The following ANO4 variants were observed in gnomAD, a reference collection of about 807,000 sequenced individuals.
The protein encoded by ANO4 is anoctamin-4.
In ANO4, 69 loss-of-function variants were observed where a neutral mutation model predicts 141.9. The observed-to-expected ratio is 0.49, with a 90% CI of 0.40 to 0.59. The LOEUF is 0.59. Among genes scored for constraint, ANO4 ranks in the 20% least tolerant of loss-of-function variants. ANO4 has a pLI of 0.00. For synonymous variants in ANO4, 350 were observed against 394.3 expected, an observed-to-expected ratio of 0.89 and a Z score of 1.33; for missense variants, 894 against 1,162.2, an observed-to-expected ratio of 0.77 and a Z score of 3.36.
chr12:100,925,515 G>A (rs2041828012), intron 3 of ANO4, among the ~76,000 whole-genome samples: 1 of 151,592 alleles, frequency 6.6e-6, no homozygotes, highest in South Asian at 2.1e-4. Context: ...GGCTAGAGGA[G>A]GGATAGCATT....
chr12:100,842,926 T>C (rs2037358634), intron 1 of ANO4, among the ~76,000 whole-genome samples: 1 of 152,124 alleles, frequency 6.6e-6, no homozygotes, highest in Non-Finnish European at 1.5e-5. Flanking sequence ...TTTCAAACCA[T>C]GGTATATTCT....
At chr12:101,068,994 T>C in intron 14 of ANO4, 1 of 788,520 alleles carries the variant, frequency 1.3e-6, no homozygotes, top group Non-Finnish European at 2.3e-6. Flanking sequence ...CAAACAAAGC[T>C]CTGGATAAGG....
intron 25 of ANO4, among the ~76,000 whole-genome samples, chr12:101,117,484 T>C (rs1405168479): frequency 6.6e-6 from 1 of 152,220 alleles, no homozygotes; most frequent in African/African-American, 2.4e-5. Flanking sequence ...AACCATTCAC[T>C]AAAAGCTCAA....
intron 1 of ANO4, among the ~76,000 whole-genome samples, chr12:100,900,865 C>T (rs558076043): frequency 6.6e-6 from 1 of 152,274 alleles, no homozygotes; most frequent in South Asian, 2.1e-4. Flanking sequence ...CTTTATTAAT[C>T]TTCTGAGTAA....
At chr12:100,963,308 G>T (rs1412002702) in intron 5 of ANO4, among the ~76,000 whole-genome samples, 2 of 152,194 alleles carry the variant, frequency 1.3e-5, no homozygotes, top group Non-Finnish European at 2.9e-5. Flanking sequence ...ACTAGAGCCT[G>T]GATGAAGTCC....
Position 101,126,898 on chromosome 12 carries a change from AG to A in ANO4, c.2697del (p.Lys899AsnfsTer7). 1 of 1,614,134 alleles carries A rather than the reference AG, an allele frequency of 6.2e-7. No individual in the cohort carries two copies. The highest frequency in any genetic ancestry group is 8.5e-7 in the Non-Finnish European group (1 of 1,179,992). ...IVFEHLVFCI[K>X]HLISYLIPDL... is the part of the protein sequence containing the mutation. ...TTTTAGCACCTCGTGTTTTGTATAAAGCACCTCATTTCATATCTGATCCCAG... is the reference window on the plus strand; with the variant it reads ...TTTTAGCACCTCGTGTTTTGTATAAACACCTCATTTCATATCTGATCCCAG... On this transcript the variant is annotated frameshift_variant, in exon 27 of 28. Transcript: ENST00000392977. LOFTEE classifies it high-confidence loss of function.
intron 14 of ANO4, among the ~76,000 whole-genome samples, chr12:101,064,304 G>A (rs1354582120): frequency 6.6e-6 from 1 of 152,136 alleles, no homozygotes; most frequent in African/African-American, 2.4e-5. Flanking sequence ...ATTACCAAAT[G>A]CTTGGGAGAT....
At chr12:100,724,939 T>C (rs1415604940) in intron 1 of ANO4, among the ~76,000 whole-genome samples, 1 of 152,222 alleles carries the variant, frequency 6.6e-6, no homozygotes, top group African/African-American at 2.4e-5. Context: ...GTCGGTTCTT[T>C]AGAACCTTTT....
intron 3 of ANO4, among the ~76,000 whole-genome samples, chr12:100,761,318 C>T (rs1180020134): frequency 6.6e-6 from 1 of 152,132 alleles, no homozygotes; most frequent in Non-Finnish European, 1.5e-5. Flanking sequence ...AAGACCACTT[C>T]CAGATTTGGT....
intron 3 of ANO4, among the ~76,000 whole-genome samples, chr12:100,922,545 T>A (rs1019098573): frequency 6.6e-6 from 1 of 152,158 alleles, no homozygotes; most frequent in Non-Finnish European, 1.5e-5. Flanking sequence ...GTGGAATTTT[T>A]GAAAAAGCTA....
Position 101,048,547 on chromosome 12 carries a change from A to G in ANO4, c.1312+146A>G, listed in dbSNP as rs1047928942. 1.2e-5 allele frequency: 8 copies of G among 691,802 alleles called. No individual in the cohort carries two copies. In the African/African-American group the frequency reaches 1.4e-4, roughly 12 times the overall value. The allele number at this position is 691,802 out of a possible 1,614,324, so 42.9% of individuals were successfully genotyped here. A position where few individuals can be genotyped will look rare whatever the true frequency, so the allele number is the denominator to read the frequency against. Reference sequence around the variant, plus strand: ...TTAGTAGAAAGTTGGTAAATAATTTATTGGGTTTATTTTAAACGATATTGT... The same window carrying G: ...TTAGTAGAAAGTTGGTAAATAATTTGTTGGGTTTATTTTAAACGATATTGT... On this transcript the variant is annotated intron_variant, in intron 14 of 27. Transcript: ENST00000392977.
intron 26 of ANO4, among the ~76,000 whole-genome samples, chr12:101,122,933 G>T (rs916274950): frequency 3.9e-5 from 6 of 152,082 alleles, no homozygotes; most frequent in African/African-American, 9.7e-5. Context: ...AGTAAAATCT[G>T]TCTAGCAATT....
chr12:101,056,014 A>T (rs573904627), intron 14 of ANO4, among the ~76,000 whole-genome samples: 6 of 152,212 alleles, frequency 3.9e-5, no homozygotes, highest in Admixed American at 3.3e-4. Context: ...ATTATGTTTG[A>T]TGTGTATGTG....
intron 14 of ANO4, among the ~76,000 whole-genome samples, chr12:101,053,251 A>C (rs2047947199): frequency 6.6e-6 from 1 of 152,222 alleles, no homozygotes; most frequent in African/African-American, 2.4e-5. Flanking sequence ...TAGCTTTGCC[A>C]GGCAGAGTAG....
At chr12:100,738,991 A>G (rs2031732768) in intron 2 of ANO4, among the ~76,000 whole-genome samples, 1 of 147,162 alleles carries the variant, frequency 6.8e-6, no homozygotes, top group Admixed American at 6.8e-5. Flanking sequence ...TCACCGGTCC[A>G]CTCTTTGTTT....
chr12:100,793,954 G>T (rs1025678978), upstream of ANO4, among the ~76,000 whole-genome samples: 2 of 152,116 alleles, frequency 1.3e-5, no homozygotes, highest in Non-Finnish European at 2.9e-5. Context: ...TCAATTTTCA[G>T]TGTGTTTATG....
intron 3 of ANO4, among the ~76,000 whole-genome samples, chr12:100,786,866 C>T (rs1219342090): frequency 6.6e-6 from 1 of 152,062 alleles, no homozygotes; most frequent in Non-Finnish European, 1.5e-5. Context: ...ATTCTTTGTA[C>T]TGAAGAATTT....
chr12:101,072,360 C>T lies in ANO4; in HGVS notation c.1313-6833C>T, dbSNP rs373119732. 1.1e-3 allele frequency among the ~76,000 whole-genome samples: 164 copies of T among 152,236 alleles called. 2 individuals are homozygous for T. Among genetic ancestry groups the T allele is most frequent in the African/African-American group, 3.7e-3 (154 of 41,550 alleles). On this transcript the variant is annotated intron_variant, in intron 14 of 27. Transcript: ENST00000392977. ...TTTGTGGACACATCTGAGATAAAGG[C>T]TGCAAAAATATAATCAAACTATGCC...
At chr12:100,717,983 AGAGAT>A (rs1309792762) in intron 1 of ANO4, among the ~76,000 whole-genome samples, 15 of 152,084 alleles carry the variant, frequency 9.9e-5, no homozygotes, top group African/African-American at 3.6e-4. Context: ...TGTAAATCAG[AGAGAT>A]GAGAACATCT....
Sources: gnomAD v4.1 joint callset for allele counts (sites outside exome capture counted in the v4.1 genomes callset) on GRCh38, gnomAD v4.1.1 for gene constraint, MANE v1.5 for transcripts, NCBI Gene and HGNC (gene_info 2026-07-23, HGNC 2026-07-21) for gene names.